The following MAGI3 variants were observed in gnomAD, a reference collection of about 807,000 sequenced individuals.
The protein encoded by MAGI3 is membrane-associated guanylate kinase, WW and PDZ domain-containing protein 3.
Under a neutral mutation model 121.8 loss-of-function variants are expected in MAGI3, and 43 were observed. The observed-to-expected ratio is 0.35, with a 90% confidence interval of 0.28 to 0.46. The LOEUF (loss-of-function observed/expected upper bound fraction) is 0.46. MAGI3 is among the 20% of genes least tolerant of loss of function. The pLI, the probability that MAGI3 is intolerant of heterozygous loss-of-function variation, is 1.00. For synonymous variants in MAGI3, 553 were observed against 639.3 expected, an observed-to-expected ratio of 0.86 and a Z score of 2.04; for missense variants, 1,547 against 1,797.3, an observed-to-expected ratio of 0.86 and a Z score of 2.52.
intron 1 of MAGI3, among the ~76,000 whole-genome samples, chr1:113,494,974 A>C (rs1557787713): frequency 6.6e-6 from 1 of 152,216 alleles, no homozygotes; most frequent in Non-Finnish European, 1.5e-5. Context: ...CACATATTTA[A>C]AAAAACAAAC....
At chr1:113,682,403 G>A (rs963270385) in intron 20 of MAGI3, 54 of 1,419,802 alleles carry the variant, frequency 3.8e-5, no homozygotes, top group Middle Eastern at 1.9e-4. Context: ...GCACTTTTCA[G>A]TCTTCTTTTG....
At chr1:113,638,663 G>T (rs1323827801) in intron 9 of MAGI3, among the ~76,000 whole-genome samples, 1 of 152,226 alleles carries the variant, frequency 6.6e-6, no homozygotes, top group East Asian at 1.9e-4. Flanking sequence ...TCCCAGTTAG[G>T]CTGCTCAGGG....
intron 1 of MAGI3, among the ~76,000 whole-genome samples, chr1:113,447,677 A>G (rs1244707200): frequency 6.6e-6 from 1 of 152,170 alleles, no homozygotes; most frequent in Non-Finnish European, 1.5e-5. Context: ...AAAATTGTGA[A>G]ATCCTGTCTC....
intron 1 of MAGI3, among the ~76,000 whole-genome samples, chr1:113,468,245 A>T (rs189733586): frequency 8.3e-4 from 127 of 152,268 alleles, no homozygotes; most frequent in East Asian, 3.1e-3. Context: ...GTGACTTAGT[A>T]CTACCATTTT....
chr1:113,613,201 T>C (rs1250104805), intron 6 of MAGI3, among the ~76,000 whole-genome samples: 1 of 152,216 alleles, frequency 6.6e-6, no homozygotes, highest in Non-Finnish European at 1.5e-5. Context: ...ATCTCAGTTC[T>C]TTTTAATGTT....
intron 1 of MAGI3, among the ~76,000 whole-genome samples, chr1:113,481,447 GCTA>G (rs1306563433): frequency 6.6e-6 from 1 of 152,092 alleles, no homozygotes; most frequent in East Asian, 1.9e-4. Context: ...AATTATGTTA[GCTA>G]TCTAATTCAC....
intron 1 of MAGI3, among the ~76,000 whole-genome samples, chr1:113,432,787 A>C (rs955755138): frequency 2.0e-5 from 3 of 152,200 alleles, no homozygotes; most frequent in Admixed American, 6.5e-5. Context: ...AATAAGACAG[A>C]ATTGTACCCT....
chr1:113,449,739 A>G, intron 1 of MAGI3: 2 of 960,404 alleles, frequency 2.1e-6, no homozygotes, highest in South Asian at 2.6e-5. Flanking sequence ...GAAGTTGAGA[A>G]AACTGTTTAT....
At chr1:113,439,014 C>T (rs904540572) in intron 1 of MAGI3, among the ~76,000 whole-genome samples, 2 of 152,174 alleles carry the variant, frequency 1.3e-5, no homozygotes, top group Non-Finnish European at 1.5e-5. Flanking sequence ...AAATTGCCAG[C>T]ATCACTATTC....
chr1:113,637,260 G>A (rs1431387835), intron 9 of MAGI3, among the ~76,000 whole-genome samples: 2 of 152,158 alleles, frequency 1.3e-5, no homozygotes, highest in Non-Finnish European at 2.9e-5. Flanking sequence ...GTGTGAATTT[G>A]ATCCTGTCAT....
At chr1:113,450,731 G>A (rs539629439) in intron 1 of MAGI3, 73 of 1,100,330 alleles carry the variant, frequency 6.6e-5, no homozygotes, top group Middle Eastern at 3.9e-4. Context: ...CAGAAGGTTC[G>A]AAAAACAGCA....
chr1:113,595,041 T>C (rs1030874511), intron 6 of MAGI3, among the ~76,000 whole-genome samples: 1 of 152,168 alleles, frequency 6.6e-6, no homozygotes, highest in Non-Finnish European at 1.5e-5. Context: ...CCCCCACACA[T>C]ATACACACTT....
At chr1:113,606,527 T>G (rs1557849063) in intron 6 of MAGI3, among the ~76,000 whole-genome samples, 1 of 152,200 alleles carries the variant, frequency 6.6e-6, no homozygotes, top group East Asian at 1.9e-4. Flanking sequence ...AGAAAGCATT[T>G]ATTCTCATAG....
chr1:113,551,633 ATC>A (rs949875072), intron 2 of MAGI3, among the ~76,000 whole-genome samples: 5 of 152,070 alleles, frequency 3.3e-5, no homozygotes, highest in African/African-American at 9.7e-5. Context: ...AAGTCTCTGA[ATC>A]TCTGTTTTAC....
chr1:113,590,854 A>G (rs1009574431), intron 5 of MAGI3, among the ~76,000 whole-genome samples, 196 bp downstream of exon 5: 3 of 151,928 alleles, frequency 2.0e-5, no homozygotes, highest in African/African-American at 4.8e-5. Context: ...TTTGACTTGG[A>G]TAAAGGAATA....
At chr1:113,676,796 ACAG>A (rs1647895050) in intron 19 of MAGI3, among the ~76,000 whole-genome samples, 2 of 152,080 alleles carry the variant, frequency 1.3e-5, no homozygotes, top group South Asian at 4.2e-4. Flanking sequence ...TATTAGGTTG[ACAG>A]CTGTACTTTG....
chr1:113,532,592 A>C (rs1046361064), intron 1 of MAGI3, among the ~76,000 whole-genome samples: 8 of 152,136 alleles, frequency 5.3e-5, no homozygotes, highest in African/African-American at 1.9e-4. Context: ...GATCTCTAAG[A>C]ATAATTTCTC....
intron 6 of MAGI3, among the ~76,000 whole-genome samples, chr1:113,597,433 T>A (rs775465383): frequency 6.6e-6 from 1 of 152,234 alleles, no homozygotes; most frequent in East Asian, 1.9e-4. Flanking sequence ...TATTGAACTG[T>A]ATACTTAAAA....
At chr1:113,503,416 C>G (rs1406214949) in intron 1 of MAGI3, among the ~76,000 whole-genome samples, 1 of 150,358 alleles carries the variant, frequency 6.7e-6, no homozygotes, top group Non-Finnish European at 1.5e-5. Context: ...CAATCTTCAG[C>G]TTCATTAACT....
Sources: allele counts gnomAD v4.1 joint callset (sites outside exome capture counted in the v4.1 genomes callset), GRCh38; gene constraint gnomAD v4.1.1; transcripts MANE v1.5; gene names NCBI Gene and HGNC (gene_info 2026-07-23, HGNC 2026-07-21).